Variants in UGT1A8 observed in about 807,000 individuals in gnomAD.
UGT1A8 encodes the protein UDP-glucuronosyltransferase 1A8.
In UGT1A8, 39 loss-of-function variants were observed where a neutral mutation model predicts 45.3. That is an observed-to-expected ratio of 0.86 (90% confidence interval 0.67 to 1.12). The LOEUF (loss-of-function observed/expected upper bound fraction) is 1.12. Ranked by LOEUF, UGT1A8 falls within the 50% of genes most tolerant of loss-of-function variation. The pLI is 0.00. For synonymous variants in UGT1A8, 275 were observed against 249.2 expected (o/e 1.10, Z -0.97); for missense variants, 719 against 664.9 (o/e 1.08, Z -0.90).
At chr2:233,745,418 GATAA>G (rs1158575048) in intron 1 of UGT1A8, among the ~76,000 whole-genome samples, 1 of 151,578 alleles carries the variant, frequency 6.6e-6, no homozygotes, top group Non-Finnish European at 1.5e-5. Context: ...TCTTTTCTTT[GATAA>G]ATTGTGAGGC....
At chr2:233,700,856 A>G (rs1024033186) in intron 1 of UGT1A8, among the ~76,000 whole-genome samples, 10 of 151,944 alleles carry the variant, frequency 6.6e-5, no homozygotes, top group African/African-American at 1.9e-4. Context: ...ATATCTCCTA[A>G]TGCTATCCCT....
intron 1 of UGT1A8, among the ~76,000 whole-genome samples, chr2:233,744,770 A>G (rs1692917910): frequency 6.6e-6 from 1 of 151,946 alleles, no homozygotes. Context: ...TTAACTTTGC[A>G]AAATTCTCCT....
At chr2:233,719,767 A>G (rs1291617855) in intron 1 of UGT1A8, 8 of 1,611,870 alleles carry the variant, frequency 5.0e-6, no homozygotes, top group Non-Finnish European at 6.8e-6. Context: ...AAGTGCTTCC[A>G]TATCTACTTA....
intron 1 of UGT1A8, among the ~76,000 whole-genome samples, chr2:233,659,203 ATT>A (rs1312792265): frequency 1.3e-5 from 2 of 152,156 alleles, no homozygotes; most frequent in Admixed American, 6.6e-5. Flanking sequence ...TCAATTTGCA[ATT>A]GTTCATTGCT....
intron 1 of UGT1A8, among the ~76,000 whole-genome samples, chr2:233,750,204 T>G: frequency 6.6e-6 from 1 of 151,878 alleles, no homozygotes; most frequent in East Asian, 1.9e-4. Context: ...AAGTCCAGGC[T>G]GAGTCTCAGA....
Position 233,719,056 on chromosome 2 carries a change from C to A in UGT1A8, c.856-47978C>A, listed in dbSNP as rs772884705. ...GAAGAGAAATTTTTCACCCTGACAGCCTATGCTGTTCCATGGACCCAGAAG... is the reference window on the plus strand; with the variant it reads ...GAAGAGAAATTTTTCACCCTGACAGACTATGCTGTTCCATGGACCCAGAAG... On this transcript the variant is annotated intron_variant, in intron 1 of 4. Transcript: ENST00000373450. 197 of 1,614,166 alleles carry A rather than the reference C, an allele frequency of 1.2e-4. 1 individual carries two copies. The highest frequency in any genetic ancestry group is 1.6e-4 in the Non-Finnish European group (189 of 1,180,058).
Position 233,618,512 on chromosome 2 carries a change from A to G in UGT1A8, c.805A>G (p.Met269Val), listed in dbSNP as rs748414290. 1.9e-6 allele frequency: 3 copies of G among 1,613,950 alleles called. No homozygotes were observed. The highest frequency in any genetic ancestry group is 1.3e-5 in the African/African-American group (1 of 75,034). ...CTATCCCAAACCCGTGATGCCCAAT[A>G]TGATCTTCATTGGTGGTATCAACTG... ...LDYPKPVMPN[M>V]IFIGGINCHQ... Residue 269 changes from methionine to valine, a missense_variant, in exon 1 of 5, where the codon ATG becomes GTG. Coordinates refer to ENST00000373450, the MANE Select transcript of UGT1A8 (RefSeq NM_019076.5).
chr2:233,752,638 G>C (rs1306157736), intron 1 of UGT1A8: 1 of 152,130 alleles, frequency 6.6e-6, no homozygotes, highest in Non-Finnish European at 1.5e-5. Context: ...TGTTGTCTTA[G>C]TTACTGGGAA....
intron 1 of UGT1A8, chr2:233,754,648 T>C (rs1008814109): frequency 4.4e-6 from 2 of 451,966 alleles, no homozygotes; most frequent in African/African-American, 2.0e-5. Context: ...CCATTCTCAA[T>C]GATTCTCTTG....
At chr2:233,765,000 T>A (rs907940038) in intron 1 of UGT1A8, among the ~76,000 whole-genome samples, 1 of 152,020 alleles carries the variant, frequency 6.6e-6, no homozygotes. Context: ...TTCCTGGTCA[T>A]GTTCCAAATC....
At chr2:233,719,382 C>G in intron 1 of UGT1A8, 2 of 1,613,952 alleles carry the variant, frequency 1.2e-6, no homozygotes, top group Middle Eastern at 1.7e-4. Flanking sequence ...CACACAGTGT[C>G]CAAATCCTTC....
chr2:233,650,819 A>G (rs1003425686), intron 1 of UGT1A8, among the ~76,000 whole-genome samples: 1 of 152,230 alleles, frequency 6.6e-6, no homozygotes, highest in Admixed American at 6.5e-5. Flanking sequence ...TTTGTTTGGC[A>G]CAAAGAAATT....
At chr2:233,760,645 T>A (rs751311281) in intron 1 of UGT1A8, 1 of 1,614,248 alleles carries the variant, frequency 6.2e-7, no homozygotes, top group South Asian at 1.1e-5. Flanking sequence ...AAAAAAGGAC[T>A]CTGCTATGCT....
At chr2:233,758,936 A>G (rs3755319) in intron 1 of UGT1A8, among the ~76,000 whole-genome samples, 2 of 152,038 alleles carry the variant, frequency 1.3e-5, no homozygotes, top group Non-Finnish European at 2.9e-5. Context: ...TTGACTTCAA[A>G]TCAGTCATCA....
chr2:233,684,446 C>T (rs2074680414), intron 1 of UGT1A8, among the ~76,000 whole-genome samples: 1 of 152,152 alleles, frequency 6.6e-6, no homozygotes, highest in Admixed American at 6.6e-5. Context: ...TGTGGCCTGC[C>T]ACTTTCTGAA....
At position 233,769,644 on chromosome 2, in the gene UGT1A8, G is replaced by A; in HGVS notation, c.1295+1205G>A. ...CAAGGGACAACAGGGGAGGACTGAT[G>A]ACTGACTTCCCACCTTTGAGGTGCT... On this transcript the variant is annotated intron_variant, in intron 4 of 4. Transcript: ENST00000373450. This position sits in a 1 kb window ranked among gnomAD's most constrained non-coding sequence, Gnocchi z 4.4. The A allele has an allele frequency of 6.2e-7, 1 of 1,608,954 alleles. No individual in the cohort carries two copies. Among genetic ancestry groups the A allele is most frequent in the South Asian group, 1.1e-5 (1 of 90,446 alleles).
chr2:233,637,259 G>C, intron 1 of UGT1A8: 1 of 1,613,926 alleles, frequency 6.2e-7, no homozygotes. Context: ...GATCTCTACA[G>C]TCACACATCA....
rs565583630 is a variant in UGT1A8, at chr2:233,632,261, G to A, written c.855+13699G>A. On this transcript the variant is annotated intron_variant, in intron 1 of 4. Transcript: ENST00000373450. ...AGCCTTGTAGTATAATTTGAAGTCA[G>A]GTAGCATGATGCCTCCAGCTTTGTT... 2.0e-5 allele frequency among the ~76,000 whole-genome samples: 3 copies of A among 152,276 alleles called. No individual in the cohort carries two copies. In the South Asian group the frequency reaches 6.2e-4, roughly 32 times the overall value.
Position 233,767,108 on chromosome 2 carries a change from A to T in UGT1A8, c.930A>T (p.Glu310Asp). ...TCTCTTTGGGATCAATGGTCTCAGA[A>T]ATTCCAGAGAAGAAAGCTATGGCAA... The part of the protein sequence containing the change: ...VVFSLGSMVS[E>D]IPEKKAMAIA... The change falls in exon 2 of 5, where the codon GAA (glutamate) becomes GAT (aspartate). Residue 310 changes from glutamate (E) to aspartate (D), a missense_variant. Glu to Asp is a conservative substitution (Grantham distance 45). Coordinates refer to ENST00000373450, the MANE Select transcript of UGT1A8 (RefSeq NM_019076.5). 1 of 1,614,166 alleles carries T rather than the reference A, an allele frequency of 6.2e-7. No individual in the cohort carries two copies.
Sources: allele counts gnomAD v4.1 joint callset (sites outside exome capture counted in the v4.1 genomes callset), GRCh38; gene constraint gnomAD v4.1.1; non-coding constraint Gnocchi (gnomAD v3.1); transcripts MANE v1.5; gene names NCBI Gene and HGNC (gene_info 2026-07-23, HGNC 2026-07-21).